The following CLDN16 variants were observed in gnomAD, a reference collection of about 807,000 sequenced individuals.
CLDN16 encodes claudin-16.
CLDN16 carries 13 observed loss-of-function variants against 24.6 expected under a neutral mutation model. The ratio of observed to expected loss-of-function variants is 0.53; its 90% CI spans 0.34 to 0.84. CLDN16 has a LOEUF of 0.84. Among genes scored for constraint, CLDN16 ranks in the 40% least tolerant of loss-of-function variants. CLDN16 has a pLI of 0.01. For synonymous variants in CLDN16, 116 were observed against 106.7 expected (o/e 1.09, Z -0.54); for missense variants, 298 against 292.7 (o/e 1.02, Z -0.13).
chr3:190,384,583 G>A (rs1463543565), upstream of CLDN16, among the ~76,000 whole-genome samples: 1 of 152,196 alleles, frequency 6.6e-6, no homozygotes, highest in Non-Finnish European at 1.5e-5. Context: ...TGACCAAACT[G>A]TTGGTCTTAG....
At chr3:190,324,834 A>G (rs1021194557) in intron 1 of CLDN16, among the ~76,000 whole-genome samples, 1 of 152,174 alleles carries the variant, frequency 6.6e-6, no homozygotes, top group African/African-American at 2.4e-5. Context: ...CTCAGCATAA[A>G]TCTATCAACT....
chr3:190,310,313 A>C, the CLDN16 span: 1 of 1,237,092 alleles, frequency 8.1e-7, no homozygotes, highest in Non-Finnish European at 1.2e-6. Context: ...CTAAATACAC[A>C]ACCTGTTAAA....
At chr3:190,299,582 A>G in the CLDN16 span, among the ~76,000 whole-genome samples, 1 of 151,880 alleles carries the variant, frequency 6.6e-6, no homozygotes, top group Non-Finnish European at 1.5e-5. Context: ...TAACCTATGT[A>G]AAAGTAATTT....
intron 3 of CLDN16, among the ~76,000 whole-genome samples, chr3:190,379,918 G>A (rs74412686): frequency 0.094 from 14,300 of 151,950 alleles, 902 homozygotes; most frequent in Non-Finnish European, 0.14. Context: ...ACATTTTGTG[G>A]AAACATGTAT....
chr3:190,343,209 G>A (rs1717476444), intron 1 of CLDN16, among the ~76,000 whole-genome samples: 1 of 152,104 alleles, frequency 6.6e-6, no homozygotes. Flanking sequence ...ATGAAAAAGA[G>A]CTCAACATTA....
At chr3:190,383,717 G>T (rs1194249965), upstream of CLDN16, among the ~76,000 whole-genome samples, 1 of 152,084 alleles carries the variant, frequency 6.6e-6, no homozygotes, top group Non-Finnish European at 1.5e-5. Flanking sequence ...AAATGAAATT[G>T]TTTTATGACT....
At chr3:190,293,567 A>T in the CLDN16 span, among the ~76,000 whole-genome samples, 1 of 152,238 alleles carries the variant, frequency 6.6e-6, no homozygotes, top group Non-Finnish European at 1.5e-5. Flanking sequence ...AAGTCCAGTG[A>T]CCAATGAAAA....
At chr3:190,314,655 C>T in the CLDN16 span, among the ~76,000 whole-genome samples, 55 of 152,118 alleles carry the variant, frequency 3.6e-4, no homozygotes, top group Admixed American at 1.7e-3. Context: ...CTGCCCACCT[C>T]GGCCTCCCAA....
chr3:190,404,652 G>C (rs140918099), intron 2 of CLDN16, 110 bp from the exon 3 acceptor site: 1 of 1,012,346 alleles, frequency 9.9e-7, no homozygotes, highest in Admixed American at 1.7e-5. Flanking sequence ...GACTTTTACC[G>C]GAGGGGTGTG....
At chr3:190,339,149 A>C (rs59081090) in intron 1 of CLDN16, among the ~76,000 whole-genome samples, 10,452 of 152,234 alleles carry the variant, frequency 0.069, 553 homozygotes, top group African/African-American at 0.14. Flanking sequence ...AAATCATATT[A>C]TTGCCTAACT....
At chr3:190,314,033 A>C in the CLDN16 span, among the ~76,000 whole-genome samples, 4 of 152,190 alleles carry the variant, frequency 2.6e-5, no homozygotes, top group Admixed American at 2.6e-4. Context: ...AATATGTGAC[A>C]AGTGTTTTTT....
At chr3:190,307,671 A>T in the CLDN16 span, 1 of 152,404 alleles carries the variant, frequency 6.6e-6, no homozygotes, top group Non-Finnish European at 1.5e-5. Flanking sequence ...TGCAAGTGCT[A>T]TAAGATTATG....
chr3:190,338,899 C>T (rs1717369246), intron 1 of CLDN16, among the ~76,000 whole-genome samples: 1 of 152,116 alleles, frequency 6.6e-6, no homozygotes, highest in South Asian at 2.1e-4. Context: ...TACACTCATA[C>T]CCCTGCAGGT....
At chr3:190,399,027 A>G (rs1718891817) in intron 1 of CLDN16, among the ~76,000 whole-genome samples, 1 of 152,172 alleles carries the variant, frequency 6.6e-6, no homozygotes, top group Admixed American at 6.5e-5. Context: ...GGATGAGATA[A>G]TCCTCCAGAA....
chr3:190,317,938 T>A (rs11714251), upstream of CLDN16, among the ~76,000 whole-genome samples: 6,942 of 152,352 alleles, frequency 0.046, 270 homozygotes, highest in South Asian at 0.1. Flanking sequence ...ATTAAGTGAA[T>A]AAATGAACTG....
At chr3:190,392,302 C>T (rs1488559188) in intron 1 of CLDN16, among the ~76,000 whole-genome samples, 2 of 151,820 alleles carry the variant, frequency 1.3e-5, no homozygotes, top group Admixed American at 1.3e-4. Flanking sequence ...CTCTTTTCCT[C>T]CCTTTTCTTA....
intron 2 of CLDN16, among the ~76,000 whole-genome samples, chr3:190,403,724 TA>T (rs1719019223): frequency 1.3e-5 from 2 of 152,208 alleles, no homozygotes; most frequent in Admixed American, 6.5e-5. Flanking sequence ...GGAACATTTT[TA>T]AAAACATAGT....
chr3:190,389,687 T>C (rs1718600975), intron 1 of CLDN16, among the ~76,000 whole-genome samples: 1 of 152,226 alleles, frequency 6.6e-6, no homozygotes, highest in South Asian at 2.1e-4. Context: ...TGATGCATTT[T>C]ATCTGGCCAT....
chr3:190,407,400 G>T (rs973724414), intron 3 of CLDN16, among the ~76,000 whole-genome samples: 1 of 152,090 alleles, frequency 6.6e-6, no homozygotes, highest in Non-Finnish European at 1.5e-5. Context: ...ACATTTACAA[G>T]TAAATAACTG....
Sources: gnomAD v4.1 joint callset for allele counts (sites outside exome capture counted in the v4.1 genomes callset) on GRCh38, gnomAD v4.1.1 for gene constraint, MANE v1.5 for transcripts, NCBI Gene and HGNC (gene_info 2026-07-23, HGNC 2026-07-21) for gene names.